Variants in SLC35F3 observed in about 807,000 individuals in gnomAD.
The protein encoded by SLC35F3 is putative thiamine transporter SLC35F3.
SLC35F3 carries 25 observed loss-of-function variants against 49.9 expected under a neutral mutation model. The observed-to-expected ratio is 0.50, with a 90% CI of 0.37 to 0.70. SLC35F3 has a LOEUF of 0.70. Among genes scored for constraint, SLC35F3 ranks in the 30% least tolerant of loss-of-function variants. The probability of loss-of-function intolerance (pLI) is 0.00; values close to 1 mark genes in which losing one functional copy is unlikely to be tolerated. For missense variants in SLC35F3, 525 were observed against 639.8 expected (o/e 0.82, Z 1.94); for synonymous variants, 275 against 265.4 (o/e 1.04, Z -0.35).
At chr1:234,004,884 T>C (rs1231666759) in intron 2 of SLC35F3, among the ~76,000 whole-genome samples, 1 of 152,152 alleles carries the variant, frequency 6.6e-6, no homozygotes, top group East Asian at 1.9e-4. Flanking sequence ...AATCATCCTC[T>C]CACTTGCAAA....
At chr1:234,108,646 GAT>G (rs1345868674) in intron 2 of SLC35F3, among the ~76,000 whole-genome samples, 1 of 100,852 alleles carries the variant, frequency 9.9e-6, no homozygotes, top group African/African-American at 3.6e-5. Flanking sequence ...ATATATAAAA[GAT>G]ACATATATTT....
At chr1:234,101,699 G>A (rs572244084) in intron 2 of SLC35F3, among the ~76,000 whole-genome samples, 3 of 152,304 alleles carry the variant, frequency 2.0e-5, no homozygotes, top group East Asian at 3.8e-4. Flanking sequence ...CAGGCATGAC[G>A]GGGGTTGAAA....
chr1:234,090,814 A>G (rs1665032397), intron 2 of SLC35F3, among the ~76,000 whole-genome samples: 1 of 152,192 alleles, frequency 6.6e-6, no homozygotes, highest in South Asian at 2.1e-4. Flanking sequence ...GCACCTGTTA[A>G]GTCAATGACC....
intron 2 of SLC35F3, among the ~76,000 whole-genome samples, chr1:234,042,077 A>T (rs1487463753): frequency 6.6e-6 from 1 of 152,160 alleles, no homozygotes; most frequent in Non-Finnish European, 1.5e-5. Flanking sequence ...CTCTTCCCTG[A>T]CGTCAAGTTG....
intron 2 of SLC35F3, among the ~76,000 whole-genome samples, chr1:233,924,926 C>T (rs1272593307): frequency 6.6e-6 from 1 of 152,192 alleles, no homozygotes; most frequent in Non-Finnish European, 1.5e-5. Flanking sequence ...GTTCAGTTTC[C>T]ATGTAGATGT....
intron 2 of SLC35F3, among the ~76,000 whole-genome samples, chr1:234,166,724 G>A (rs914292381): frequency 8.5e-5 from 13 of 152,248 alleles, no homozygotes; most frequent in African/African-American, 2.9e-4. Context: ...ACAGAATGCT[G>A]TGCGGATTGC....
At chr1:233,980,962 A>G (rs1215198937) in intron 2 of SLC35F3, among the ~76,000 whole-genome samples, 2 of 152,228 alleles carry the variant, frequency 1.3e-5, no homozygotes, top group African/African-American at 4.8e-5. Context: ...ACTAAAGCAT[A>G]GATAAATTAG....
At chr1:234,017,575 A>T (rs1663822566) in intron 2 of SLC35F3, among the ~76,000 whole-genome samples, 1 of 151,608 alleles carries the variant, frequency 6.6e-6, no homozygotes, top group African/African-American at 2.4e-5. Context: ...TTAGCCTGGC[A>T]CAGTGGCGGG....
At chr1:234,298,155 T>C (rs1327193850) in intron 3 of SLC35F3, among the ~76,000 whole-genome samples, 1 of 152,130 alleles carries the variant, frequency 6.6e-6, no homozygotes, top group African/African-American at 2.4e-5. Context: ...TTTTGAGAAA[T>C]GTAAATATGT....
chr1:234,065,918 G>C (rs571682920), intron 2 of SLC35F3, among the ~76,000 whole-genome samples: 2 of 152,146 alleles, frequency 1.3e-5, no homozygotes, highest in African/African-American at 4.8e-5. Context: ...TTTCAGTTGC[G>C]TTAAACACGG....
chr1:234,031,285 C>A (rs941787372), intron 2 of SLC35F3, among the ~76,000 whole-genome samples: 4 of 152,208 alleles, frequency 2.6e-5, no homozygotes, highest in Non-Finnish European at 4.4e-5. Flanking sequence ...TTCATTGTTT[C>A]TCTGGAGATG....
intron 2 of SLC35F3, among the ~76,000 whole-genome samples, chr1:234,001,912 T>C (rs1005238766): frequency 6.6e-6 from 1 of 152,196 alleles, no homozygotes. Flanking sequence ...CAAGCTGTCC[T>C]AAATTTCCAA....
chr1:234,155,346 G>T (rs542592701), intron 2 of SLC35F3, among the ~76,000 whole-genome samples: 39 of 151,204 alleles, frequency 2.6e-4, no homozygotes, highest in Non-Finnish European at 5.1e-4. Context: ...TCTTTTAAAG[G>T]ATGTTGATAA....
intron 2 of SLC35F3, among the ~76,000 whole-genome samples, chr1:234,075,299 A>G (rs1664775952): frequency 6.6e-6 from 1 of 152,242 alleles, no homozygotes; most frequent in Non-Finnish European, 1.5e-5. Flanking sequence ...AGTCAACAGT[A>G]GTGGCGACCC....
intron 2 of SLC35F3, among the ~76,000 whole-genome samples, chr1:234,071,568 A>G (rs1236470132): frequency 3.9e-5 from 6 of 152,236 alleles, no homozygotes; most frequent in Non-Finnish European, 7.3e-5. Flanking sequence ...TTAAACAGAA[A>G]TTATCAGTTT....
At chr1:234,248,976 A>G (rs1667692128) in intron 3 of SLC35F3, among the ~76,000 whole-genome samples, 1 of 152,218 alleles carries the variant, frequency 6.6e-6, no homozygotes, top group Admixed American at 6.5e-5. Flanking sequence ...TTGCTTGTAC[A>G]GCAAATCCAG....
intron 2 of SLC35F3, among the ~76,000 whole-genome samples, chr1:233,944,332 AT>A (rs1399788871): frequency 6.6e-6 from 1 of 152,162 alleles, no homozygotes; most frequent in Non-Finnish European, 1.5e-5. Flanking sequence ...TGCTTCATTT[AT>A]TTCTAAATTT....
rs994917850 is a variant in SLC35F3 at position 234,231,505 on chromosome 1, C to T, written c.372C>T (p.Cys124=). The T allele has an allele frequency of 6.8e-6, 11 of 1,613,598 alleles. No individual in the cohort carries two copies. The highest frequency in any genetic ancestry group is 9.3e-6 in the Non-Finnish European group (11 of 1,179,814). Residue 124 remains cysteine (C), a synonymous_variant, in exon 3 of 8, where the codon TGC becomes TGT. Coordinates refer to ENST00000366618, the MANE Select transcript of SLC35F3 (RefSeq NM_173508.4). The surrounding 1 kb of genome is among the most constrained non-coding windows in gnomAD (Gnocchi z 5.4). ...VEAGGRASRR[C]WTCSRAQLKK... ...CCGGCGGGAGAGCGAGTCGCCGCTG[C>T]TGGACGTGCTCCCGGGCGCAACTCA...
At chr1:234,087,713 C>T (rs1024745800) in intron 2 of SLC35F3, among the ~76,000 whole-genome samples, 1 of 152,190 alleles carries the variant, frequency 6.6e-6, no homozygotes, top group Admixed American at 6.5e-5. Flanking sequence ...CACCCAGAAA[C>T]AAATTCAAGG....
Sources: allele counts gnomAD v4.1 joint callset (sites outside exome capture counted in the v4.1 genomes callset), GRCh38; gene constraint gnomAD v4.1.1; non-coding constraint Gnocchi (gnomAD v3.1); transcripts MANE v1.5; gene names NCBI Gene and HGNC (gene_info 2026-07-23, HGNC 2026-07-21).